POGZ: variants seen among roughly 807,000 people sequenced by gnomAD.
POGZ encodes the protein pogo transposable element derived with ZNF domain, also known as pogo transposable element with ZNF domain.
A neutral mutation model predicts 134.6 loss-of-function variants in POGZ; 17 were observed. The ratio of observed to expected loss-of-function variants is 0.13; its 90% CI spans 0.09 to 0.19. The LOEUF (loss-of-function observed/expected upper bound fraction) is 0.19, where lower values mean the gene tolerates loss of function less well. Among genes scored for constraint, POGZ ranks in the 10% least tolerant of loss-of-function variants. POGZ has a pLI of 1.00. For synonymous variants in POGZ, 693 were observed against 657.1 expected, an observed-to-expected ratio of 1.05 and a Z score of -0.84; for missense variants, 1,306 against 1,769.7, an observed-to-expected ratio of 0.74 and a Z score of 4.70.
At chr1:151,452,097 CAAAAA>C (rs574531921) in intron 1 of POGZ, among the ~76,000 whole-genome samples, 2 of 59,034 alleles carry the variant, frequency 3.4e-5, no homozygotes, top group African/African-American at 6.1e-5. Context: ...GACTCCGTCT[CAAAAA>C]AAAAAAAAAA....
Position 151,404,756 on chromosome 1 carries a change from TCA to T in POGZ, c.*44_*45del, listed in dbSNP as rs1363913937. The stretch of plus-strand genomic sequence containing the variant: ...TTTCCCTAAGCCCCTTTACCCTCCC[TCA>T]CATGTTCCCACCCTCACTCCACACC... On this transcript the variant is annotated 3_prime_UTR_variant, in exon 19 of 19. Transcript: ENST00000271715. 3 of 1,517,404 alleles carry T rather than the reference TCA, an allele frequency of 2.0e-6. No homozygotes were observed. Among genetic ancestry groups the T allele is most frequent in the Admixed American group, 4.3e-5 (2 of 47,030 alleles). The allele number at this position is 1,517,404 out of a possible 1,614,324, so 94.0% of individuals were successfully genotyped here. A position where few individuals can be genotyped will look rare whatever the true frequency, so the allele number is the denominator to read the frequency against.
intron 9 of POGZ, 46 bp downstream of exon 9, chr1:151,423,903 A>G: frequency 1.4e-6 from 2 of 1,394,808 alleles, no homozygotes; most frequent in Non-Finnish European, 2.0e-6. Flanking sequence ...AGAAAATGTA[A>G]GTCTTCTCTT....
intron 3 of POGZ, among the ~76,000 whole-genome samples, chr1:151,436,372 T>G (rs541507122): frequency 6.6e-6 from 1 of 152,344 alleles, no homozygotes; most frequent in African/African-American, 2.4e-5. Flanking sequence ...TCTCTCTCTG[T>G]GGACTTGCCT....
chr1:151,420,719 G>C (rs1225554064), intron 10 of POGZ, among the ~76,000 whole-genome samples: 9 of 152,040 alleles, frequency 5.9e-5, no homozygotes, highest in African/African-American at 2.2e-4. Flanking sequence ...AATGTGGTAA[G>C]CTCAAACCCA....
At chr1:151,458,838 G>T (rs1310082080) in intron 1 of POGZ, among the ~76,000 whole-genome samples, 1 of 145,416 alleles carries the variant, frequency 6.9e-6, no homozygotes. Flanking sequence ...GGCGGGCGCC[G>T]GGGGGCGGGG....
chr1:151,451,335 A>T (rs6667241), intron 1 of POGZ, among the ~76,000 whole-genome samples: 124,834 of 151,390 alleles, frequency 0.82, 51,657 homozygotes, highest in Admixed American at 0.85. Context: ...ATTTTTTTTT[A>T]AATTTTTTGA....
At chr1:151,440,431 T>TA (rs895449253) in intron 3 of POGZ, among the ~76,000 whole-genome samples, 2 of 151,690 alleles carry the variant, frequency 1.3e-5, no homozygotes, top group Admixed American at 6.6e-5. Context: ...GCCTTTCTAT[T>TA]AAAAAAAATA....
intron 3 of POGZ, among the ~76,000 whole-genome samples, chr1:151,436,178 G>A (rs990128530): frequency 1.6e-4 from 25 of 151,846 alleles, no homozygotes; most frequent in African/African-American, 5.6e-4. Flanking sequence ...GGCTGGTCTC[G>A]AACTCCTGAC....
Position 151,406,929 on chromosome 1 carries a change from T to A in POGZ, c.2527A>T (p.Ser843Cys). Residue 843 changes from serine to cysteine, a missense_variant, in exon 17 of 19, where the codon AGC becomes TGC. Physicochemically the swap from Ser to Cys is moderately radical, Grantham distance 112. Coordinates refer to ENST00000271715, the MANE Select transcript of POGZ (RefSeq NM_015100.4). ...TACTTACCCCGTGGCAGGATGCTGC[T>A]GGATCTGTGAGAGGGGTTGAATACC... ...HLVFNPSHRS[S>C]SILPRGLTWI... 1 of 1,613,694 alleles carries A rather than the reference T, an allele frequency of 6.2e-7. No individual in the cohort carries two copies. Among genetic ancestry groups the A allele is most frequent in the Non-Finnish European group, 8.5e-7 (1 of 1,179,578 alleles).
intron 11 of POGZ, 128 bp downstream of exon 11, chr1:151,412,164 ATTTC>A: frequency 1.8e-6 from 1 of 568,532 alleles, no homozygotes; most frequent in South Asian, 2.4e-5. Flanking sequence ...TGTGTTTACT[ATTTC>A]TTCTGTACCT....
At chr1:151,456,967 C>T (rs751865797) in intron 1 of POGZ, among the ~76,000 whole-genome samples, 171 of 152,324 alleles carry the variant, frequency 1.1e-3, no homozygotes, top group Non-Finnish European at 1.5e-3. Flanking sequence ...TGCTAAGGTA[C>T]CGCCAGTAGT....
At chr1:151,414,537 C>G (rs1160041094) in intron 10 of POGZ, among the ~76,000 whole-genome samples, 1 of 152,252 alleles carries the variant, frequency 6.6e-6, no homozygotes, top group African/African-American at 2.4e-5. Context: ...AATCCCAACA[C>G]TTTGGGAGGC....
chr1:151,418,195 G>A lies in POGZ; in HGVS notation c.1678+5202C>T, dbSNP rs139479399. Reference sequence around the variant, plus strand: ...TGCACTACCGCACCTCAGCCTGAGCGACATAGCAAGACTCCTTCTCAAAAA... The same window carrying A: ...TGCACTACCGCACCTCAGCCTGAGCAACATAGCAAGACTCCTTCTCAAAAA... On this transcript the variant is annotated intron_variant, in intron 10 of 18. Coordinates refer to ENST00000271715, the MANE Select transcript of POGZ (RefSeq NM_015100.4). Among the ~76,000 whole-genome samples the A allele has an allele frequency of 5.7e-3, 860 of 150,856 alleles. 3 individuals carry two copies. The highest frequency in any genetic ancestry group is 9.8e-3 in the Non-Finnish European group (667 of 67,874).
intron 15 of POGZ, 24 bp from the exon 16 acceptor site, chr1:151,407,315 T>C (rs746520586): frequency 1.9e-6 from 3 of 1,564,818 alleles, no homozygotes; most frequent in Non-Finnish European, 2.6e-6. Context: ...AGAAGTGGTA[T>C]GAGTTACGGA....
At chr1:151,410,483 C>A (rs1291390919) in intron 12 of POGZ, among the ~76,000 whole-genome samples, 1 of 152,156 alleles carries the variant, frequency 6.6e-6, no homozygotes, top group Non-Finnish European at 1.5e-5. Context: ...ACTTTCTTCT[C>A]CCCAGTTTCC....
chr1:151,449,893 T>A (rs1426451649), intron 1 of POGZ, among the ~76,000 whole-genome samples: 1 of 152,136 alleles, frequency 6.6e-6, no homozygotes, highest in African/African-American at 2.4e-5. Context: ...TCTCAAAAAC[T>A]CTGCAAGAGA....
intron 1 of POGZ, chr1:151,455,291 G>T (rs987814799): frequency 6.6e-6 from 1 of 152,200 alleles, no homozygotes; most frequent in Non-Finnish European, 1.5e-5. Context: ...GGTTTAGAGA[G>T]ACGAAGTAAC....
At chr1:151,453,490 T>C (rs529592022) in intron 1 of POGZ, among the ~76,000 whole-genome samples, 39 of 150,708 alleles carry the variant, frequency 2.6e-4, no homozygotes, top group African/African-American at 8.9e-4. Flanking sequence ...TCTTAAGACA[T>C]AGCAAAATAG....
In POGZ at chr1:151,430,847, G is replaced by T; in HGVS notation, c.284-6C>A. On this transcript the variant is annotated splice_region_variant and splice_polypyrimidine_tract_variant and intron_variant, in intron 3 of 18. Transcript: ENST00000271715. ...CTGGACCAAAGGATTGCCAGCTAAAGGGTAAAGGAAGAAAAAAAAAAAGGA... is the reference window on the plus strand; with the variant it reads ...CTGGACCAAAGGATTGCCAGCTAAATGGTAAAGGAAGAAAAAAAAAAAGGA... The T allele has an allele frequency of 6.5e-7, 1 of 1,538,046 alleles. No homozygotes were observed. The highest frequency in any genetic ancestry group is 1.3e-5 in the South Asian group (1 of 78,540).
Sources: allele counts gnomAD v4.1 joint callset (sites outside exome capture counted in the v4.1 genomes callset), GRCh38; gene constraint gnomAD v4.1.1; transcripts MANE v1.5; gene names NCBI Gene and HGNC (gene_info 2026-07-23, HGNC 2026-07-21).